SNX29: variants seen among roughly 807,000 people sequenced by gnomAD.
SNX29 encodes sorting nexin 29, also known as sorting nexin-29.
A neutral mutation model predicts 102.1 loss-of-function variants in SNX29; 78 were observed. That is an observed-to-expected ratio of 0.76 (90% CI 0.64 to 0.92). The LOEUF (loss-of-function observed/expected upper bound fraction) is 0.92. SNX29 is among the 40% of genes least tolerant of loss of function. The pLI is 0.00. For synonymous variants in SNX29, 580 were observed against 414.5 expected, an observed-to-expected ratio of 1.40 and a Z score of -4.85; for missense variants, 1,280 against 1,061.7, an observed-to-expected ratio of 1.21 and a Z score of -2.86.
intron 14 of SNX29, among the ~76,000 whole-genome samples, chr16:12,231,276 G>A (rs1197994275): frequency 6.6e-6 from 1 of 152,174 alleles, no homozygotes; most frequent in Admixed American, 6.5e-5. Context: ...ATACCATCCA[G>A]CTCACTAGGG....
intron 13 of SNX29, among the ~76,000 whole-genome samples, chr16:12,151,623 A>T (rs571122461): frequency 6.6e-6 from 1 of 152,134 alleles, no homozygotes; most frequent in African/African-American, 2.4e-5. Flanking sequence ...TTTCTTTTCA[A>T]TTCCTCTGAA....
chr16:12,367,881 G>T (rs959811788), intron 16 of SNX29, among the ~76,000 whole-genome samples: 1 of 152,226 alleles, frequency 6.6e-6, no homozygotes, highest in African/African-American at 2.4e-5. Context: ...TCACATAGAG[G>T]CTTAACTCAG....
chr16:12,313,108 G>C (rs1363998020), intron 15 of SNX29, among the ~76,000 whole-genome samples: 1 of 152,016 alleles, frequency 6.6e-6, no homozygotes, highest in Non-Finnish European at 1.5e-5. Context: ...CCGCCTCCTG[G>C]GGTCAAGTGA....
intron 4 of SNX29, chr16:12,038,760 T>C (rs2057547442): frequency 1.3e-5 from 2 of 151,950 alleles, no homozygotes; most frequent in Admixed American, 1.3e-4. Flanking sequence ...CGGAGGGAGG[T>C]GACTGCATTT....
chr16:12,563,285 T>G (rs940372332), intron 20 of SNX29, among the ~76,000 whole-genome samples: 2 of 152,048 alleles, frequency 1.3e-5, no homozygotes, highest in Non-Finnish European at 2.9e-5. Flanking sequence ...GGGTTCTGGA[T>G]CCACAGCTCG....
At chr16:12,016,285 A>C (rs1210767352) in intron 3 of SNX29, among the ~76,000 whole-genome samples, 2 of 152,182 alleles carry the variant, frequency 1.3e-5, no homozygotes, top group African/African-American at 4.8e-5. Flanking sequence ...AGCAATAGAC[A>C]TTCTTAAGCA....
chr16:12,286,745 T>C (rs2079611730), intron 15 of SNX29, among the ~76,000 whole-genome samples: 1 of 152,180 alleles, frequency 6.6e-6, no homozygotes, highest in Non-Finnish European at 1.5e-5. Context: ...GCTGTAGCTG[T>C]TAGTACCTCT....
Position 11,993,228 on chromosome 16 carries a change from C to T in SNX29, c.8-6069C>T, listed in dbSNP as rs182698694. On this transcript the variant is annotated intron_variant, in intron 1 of 20. Transcript: ENST00000566228. ...GTGTGGCCTTGATTAAGGGGCTTGA[C>T]CTCTGTGGAATGGGAACCAGTTTAC... Among the ~76,000 whole-genome samples, 22 of 152,022 alleles carry T rather than the reference C, an allele frequency of 1.4e-4. No individual in the cohort carries two copies. In the East Asian group the frequency reaches 2.3e-3, roughly 16 times the overall value.
At chr16:12,303,582 G>T (rs1279532064) in intron 15 of SNX29, among the ~76,000 whole-genome samples, 2 of 152,236 alleles carry the variant, frequency 1.3e-5, no homozygotes, top group Non-Finnish European at 2.9e-5. Flanking sequence ...GGAAAGGCAA[G>T]GGCATGGTAA....
At chr16:12,278,344 A>G (rs2079321786) in intron 15 of SNX29, among the ~76,000 whole-genome samples, 2 of 152,250 alleles carry the variant, frequency 1.3e-5, no homozygotes, top group South Asian at 2.1e-4. Flanking sequence ...AGAATATCAC[A>G]TGCACCTTTG....
At chr16:12,046,512 T>G in intron 6 of SNX29, 58 bp downstream of exon 6, 1 of 1,547,306 alleles carries the variant, frequency 6.5e-7, no homozygotes, top group East Asian at 2.2e-5. Context: ...AGGGGCTGCC[T>G]TGGGGCAGTT....
At chr16:12,380,304 AC>A (rs1407514140) in intron 16 of SNX29, among the ~76,000 whole-genome samples, 2 of 142,302 alleles carry the variant, frequency 1.4e-5, no homozygotes, top group Non-Finnish European at 3.1e-5. Flanking sequence ...CCAACACCCA[AC>A]CACCCACCTA....
At chr16:12,114,562 C>T (rs894996286) in intron 11 of SNX29, among the ~76,000 whole-genome samples, 4 of 151,564 alleles carry the variant, frequency 2.6e-5, no homozygotes, top group Non-Finnish European at 4.4e-5. Context: ...GGTTCTGTAT[C>T]GTCATTCCTT....
At chr16:12,520,801 G>T (rs180885971) in intron 19 of SNX29, among the ~76,000 whole-genome samples, 1 of 152,104 alleles carries the variant, frequency 6.6e-6, no homozygotes, top group Admixed American at 6.5e-5. Context: ...ACTCAGGCGT[G>T]GGGGAGGTTG....
intron 14 of SNX29, among the ~76,000 whole-genome samples, chr16:12,269,219 A>C (rs947941496): frequency 1.3e-5 from 2 of 152,210 alleles, no homozygotes; most frequent in Non-Finnish European, 2.9e-5. Context: ...AAAGTTGCTG[A>C]CTATTCAGAG....
chr16:11,993,639 G>T (rs577808422), intron 1 of SNX29, among the ~76,000 whole-genome samples: 81 of 152,192 alleles, frequency 5.3e-4, no homozygotes, highest in Non-Finnish European at 1.0e-3. Flanking sequence ...ACTTGCTCAT[G>T]ATCACATGGC....
intron 14 of SNX29, among the ~76,000 whole-genome samples, chr16:12,244,996 C>T (rs1047825154): frequency 2.6e-5 from 4 of 152,148 alleles, no homozygotes; most frequent in Non-Finnish European, 4.4e-5. Flanking sequence ...GTAGGAGCCA[C>T]CTAAGTGGTG....
intron 11 of SNX29, among the ~76,000 whole-genome samples, chr16:12,104,365 G>C (rs1567209393): frequency 6.6e-6 from 1 of 152,118 alleles, no homozygotes; most frequent in Non-Finnish European, 1.5e-5. Context: ...AGACCAGCCT[G>C]GCCAACTTGG....
In SNX29 at chr16:12,526,826, T is replaced by G. The variant is rs771033581; in HGVS notation, c.2318+1985T>G. 1.5e-4 allele frequency: 59 copies of G among 404,356 alleles called. 1 individual carries two copies. The Middle Eastern group carries it at 2.2e-3, about 15-fold the overall frequency. The allele number at this position is 404,356 out of a possible 1,614,324, so 25.0% of individuals were successfully genotyped here. ...GCCCAGGCATCTCCGGTCCAGTGTTTCCCAAACATTCGCGTGCCGAATTGT... is the reference window on the plus strand; with the variant it reads ...GCCCAGGCATCTCCGGTCCAGTGTTGCCCAAACATTCGCGTGCCGAATTGT... On this transcript the variant is annotated intron_variant, in intron 20 of 20. Transcript: ENST00000566228.
Sources: gnomAD v4.1 joint callset for allele counts (sites outside exome capture counted in the v4.1 genomes callset) on GRCh38, gnomAD v4.1.1 for gene constraint, MANE v1.5 for transcripts, NCBI Gene and HGNC (gene_info 2026-07-23, HGNC 2026-07-21) for gene names.